The following AHCYL1 variants were observed in gnomAD, a reference collection of about 807,000 sequenced individuals.
AHCYL1 encodes the protein adenosylhomocysteinase like 1.
Under a neutral mutation model 79.3 loss-of-function variants are expected in AHCYL1, and 20 were observed. The ratio of observed to expected loss-of-function variants is 0.25; its 90% CI spans 0.18 to 0.37. The LOEUF (loss-of-function observed/expected upper bound fraction) is 0.37. Among genes scored for constraint, AHCYL1 ranks in the 10% least tolerant of loss-of-function variants. The pLI is 1.00. For synonymous variants in AHCYL1, 223 were observed against 242.2 expected (o/e 0.92, Z 0.74); for missense variants, 330 against 673.6 (o/e 0.49, Z 5.65).
At position 109,985,045 on chromosome 1, in the gene AHCYL1, G is replaced by T; in HGVS notation, c.-8G>T. 6.4e-7 allele frequency: 1 copy of T among 1,568,544 alleles called. No homozygotes were observed. Among genetic ancestry groups the T allele is most frequent in the Non-Finnish European group, 8.6e-7 (1 of 1,159,660 alleles). On this transcript the variant is annotated 5_prime_UTR_variant, in exon 1 of 17. Transcript: ENST00000369799. ...GGCGGGTCAGCCGCTGGCCGGGCCG[G>T]CCGGGGAATGTCGATGCCTGACGCG...
At chr1:110,020,409 A>G (rs1651722378) in intron 15 of AHCYL1, among the ~76,000 whole-genome samples, 1 of 152,158 alleles carries the variant, frequency 6.6e-6, no homozygotes, top group Admixed American at 6.5e-5. Flanking sequence ...AGGTAGGAGT[A>G]GCATGTGACA....
At chr1:110,012,694 T>C (rs1047674184) in intron 4 of AHCYL1, among the ~76,000 whole-genome samples, 5 of 152,156 alleles carry the variant, frequency 3.3e-5, no homozygotes, top group Non-Finnish European at 7.4e-5. Flanking sequence ...TGTTATAAAA[T>C]GTTATAAAGA....
At chr1:110,013,468 G>A (rs1294884517) in intron 5 of AHCYL1, among the ~76,000 whole-genome samples, 3 of 152,206 alleles carry the variant, frequency 2.0e-5, no homozygotes, top group Non-Finnish European at 4.4e-5. Context: ...CCAGCACTTT[G>A]GGAGGCCGAG....
Position 110,018,560 on chromosome 1 carries a change from C to T in AHCYL1, c.1227C>T (p.Leu409=). ...HSNTEIDVTS[L]RTPELTWERV... ...TGCTTTCTTCCTTTCAGACCAGCCT[C>T]CGCACTCCGGAGCTGACGTGGGAGC... Residue 409 remains leucine, a synonymous_variant, in exon 13 of 17, where the codon CTC becomes CTT. Coordinates refer to ENST00000369799, the MANE Select transcript of AHCYL1 (RefSeq NM_006621.7). 1 of 1,614,098 alleles carries T rather than the reference C, an allele frequency of 6.2e-7. No individual in the cohort carries two copies. Among genetic ancestry groups the T allele is most frequent in the Non-Finnish European group, 8.5e-7 (1 of 1,180,026 alleles).
intron 1 of AHCYL1, among the ~76,000 whole-genome samples, chr1:109,991,990 C>G (rs1160051522): frequency 6.6e-6 from 1 of 152,142 alleles, no homozygotes; most frequent in Non-Finnish European, 1.5e-5. Flanking sequence ...TGTCCCTTTT[C>G]CCCCAAGACT....
Position 110,012,965 on chromosome 1 carries a change from T to C in AHCYL1, c.546T>C (p.Thr182=), listed in dbSNP as rs1651143883. Residue 182 remains threonine (T), a synonymous_variant, in exon 5 of 17, where the codon ACT becomes ACC. Transcript: ENST00000369799. ...CRWSACNIYS[T]QNEVAAALAE... ...GGTCTGCTTGTAACATCTACTCAAC[T>C]CAGAATGAAGTAGCTGCAGCACTGG... is the stretch of plus-strand genomic sequence containing the variant. 6.2e-7 allele frequency: 1 copy of C among 1,612,854 alleles called. No homozygotes were observed. The highest frequency in any genetic ancestry group is 1.7e-5 in the Admixed American group (1 of 59,896).
intron 1 of AHCYL1, chr1:110,003,923 G>A: frequency 1.0e-6 from 1 of 985,396 alleles, no homozygotes; most frequent in Non-Finnish European, 1.2e-6. Flanking sequence ...GGAGATAATA[G>A]TGAAGTGAAG....
At chr1:109,994,252 C>T (rs1649909180) in intron 1 of AHCYL1, among the ~76,000 whole-genome samples, 1 of 144,708 alleles carries the variant, frequency 6.9e-6, no homozygotes, top group African/African-American at 2.5e-5. Flanking sequence ...CAGAATTTTG[C>T]TATTTTGTGT....
chr1:110,008,838 A>G (rs560985123), intron 1 of AHCYL1, among the ~76,000 whole-genome samples, 196 bp from the exon 2 acceptor site: 6 of 152,298 alleles, frequency 3.9e-5, no homozygotes, highest in African/African-American at 1.4e-4. Context: ...ACAATTGGGA[A>G]GAGACAGTGA....
chr1:110,009,220 C>T, intron 2 of AHCYL1, 75 bp downstream of exon 2: 1 of 1,293,312 alleles, frequency 7.7e-7, no homozygotes, highest in Non-Finnish European at 1.1e-6. Context: ...ACTTAGCAAT[C>T]TGAAAATACC....
Position 110,017,527 on chromosome 1 carries a change from T to C in AHCYL1, c.996T>C (p.Ala332=). 6.2e-7 allele frequency: 1 copy of C among 1,614,120 alleles called. No individual in the cohort carries two copies. The highest frequency in any genetic ancestry group is 8.5e-7 in the Non-Finnish European group (1 of 1,179,998). The change falls in exon 10 of 17, where the codon GCT becomes GCC. Residue 332 remains alanine (A), a synonymous_variant. Coordinates refer to ENST00000369799, the MANE Select transcript of AHCYL1 (RefSeq NM_006621.7). ...AGGGCTGCTGTGCTGCTCTCAAAGC[T>C]CTTGGAGCAATTGTCTACATTACCG... The part of the protein sequence containing the change: ...VGKGCCAALK[A]LGAIVYITEI...
chr1:110,007,812 G>A (rs927716531), intron 1 of AHCYL1, among the ~76,000 whole-genome samples: 1 of 152,180 alleles, frequency 6.6e-6, no homozygotes, highest in Non-Finnish European at 1.5e-5. Context: ...TTTCAGGGGT[G>A]AAGTTTATTT....
chr1:110,003,131 A>G (rs910220189), intron 1 of AHCYL1, among the ~76,000 whole-genome samples: 1 of 152,200 alleles, frequency 6.6e-6, no homozygotes, highest in African/African-American at 2.4e-5. Flanking sequence ...AATATTCTTG[A>G]GAAAATTGGG....
At chr1:109,992,290 G>A (rs1649803401) in intron 1 of AHCYL1, among the ~76,000 whole-genome samples, 1 of 151,606 alleles carries the variant, frequency 6.6e-6, no homozygotes, top group Admixed American at 6.6e-5. Flanking sequence ...CACACCTGTA[G>A]TCCCAGCTAC....
rs1000225293 is a variant in AHCYL1, at chr1:110,017,349, T to G, written c.964-146T>G. Reference sequence around the variant, plus strand: ...ACGTAATCTGGGTCTGTTTCTGTTCTGCTTGGGATTGGAGCGTCTGTGCAG... The same window carrying G: ...ACGTAATCTGGGTCTGTTTCTGTTCGGCTTGGGATTGGAGCGTCTGTGCAG... On this transcript the variant is annotated intron_variant, in intron 9 of 16. Transcript: ENST00000369799. 11 of 648,962 alleles carry G rather than the reference T, an allele frequency of 1.7e-5. No individual in the cohort carries two copies. The Admixed American group carries it at 2.3e-4, about 13-fold the overall frequency. The allele number at this position is 648,962 out of a possible 1,614,324, so 40.2% of individuals were successfully genotyped here.
At chr1:110,014,355 C>T (rs1185037252) in intron 5 of AHCYL1, among the ~76,000 whole-genome samples, 2 of 152,128 alleles carry the variant, frequency 1.3e-5, no homozygotes, top group African/African-American at 4.8e-5. Flanking sequence ...TCACTGAAAA[C>T]TTTGACAGCA....
intron 1 of AHCYL1, among the ~76,000 whole-genome samples, chr1:110,006,550 C>T (rs899604387): frequency 6.6e-6 from 1 of 152,108 alleles, no homozygotes; most frequent in Non-Finnish European, 1.5e-5. Flanking sequence ...GGAGAGAAAA[C>T]TTGTGATATC....
At chr1:110,010,153 C>T (rs773827613) in intron 2 of AHCYL1, among the ~76,000 whole-genome samples, 5 of 152,086 alleles carry the variant, frequency 3.3e-5, no homozygotes, top group South Asian at 2.1e-4. Context: ...AGAGGAAGAA[C>T]GATAAAACGA....
Position 110,020,716 on chromosome 1 carries a change from C to T in AHCYL1, c.1466-15C>T. The T allele has an allele frequency of 4.4e-6, 7 of 1,591,898 alleles. No homozygotes were observed. In the South Asian group the frequency reaches 6.9e-5, roughly 16 times the overall value. On this transcript the variant is annotated splice_polypyrimidine_tract_variant and intron_variant, in intron 15 of 16. Transcript: ENST00000369799. ...TGAAAAGGAGTCTGCTCTCCTGCCA[C>T]TTTGCTCTTCCTAGATGAATACGTT...
Sources: allele counts gnomAD v4.1 joint callset (sites outside exome capture counted in the v4.1 genomes callset), GRCh38; gene constraint gnomAD v4.1.1; transcripts MANE v1.5; gene names NCBI Gene and HGNC (gene_info 2026-07-23, HGNC 2026-07-21).